EYS: variants seen among roughly 807,000 people sequenced by gnomAD.
EYS encodes EGF-like photoreceptor maintenance factor.
In EYS, 250 loss-of-function variants were observed where a neutral mutation model predicts 282.1. The ratio of observed to expected loss-of-function variants is 0.89; its 90% CI spans 0.80 to 0.98. EYS has a LOEUF of 0.98. Among genes scored for constraint, EYS ranks in the 50% least tolerant of loss-of-function variants. The pLI is 0.00. For missense variants in EYS, 4,016 were observed against 3,709.0 expected (o/e 1.08, Z -2.15); for synonymous variants, 1,355 against 1,282.9 (o/e 1.06, Z -1.20).
intron 12 of EYS, among the ~76,000 whole-genome samples, chr6:65,232,527 G>C (rs760436609): frequency 2.0e-5 from 3 of 152,004 alleles, no homozygotes; most frequent in Admixed American, 6.6e-5. Context: ...AAACGTTTGA[G>C]TAGTTTTAGA....
At chr6:65,687,098 C>T (rs1769048950) in intron 1 of EYS, among the ~76,000 whole-genome samples, 1 of 151,882 alleles carries the variant, frequency 6.6e-6, no homozygotes, top group African/African-American at 2.4e-5. Context: ...GATGCATTAG[C>T]CATATTACTG....
At chr6:63,830,628 T>C (rs1394965135) in intron 36 of EYS, among the ~76,000 whole-genome samples, 1 of 152,164 alleles carries the variant, frequency 6.6e-6, no homozygotes, top group Admixed American at 6.5e-5. Context: ...TGGAACCAAG[T>C]TGGAAAACAC....
chr6:65,326,704 G>A (rs1466583576), intron 11 of EYS, among the ~76,000 whole-genome samples: 2 of 151,422 alleles, frequency 1.3e-5, no homozygotes, highest in Admixed American at 6.6e-5. Flanking sequence ...GCAATTGAAA[G>A]CATTTAATAA....
At chr6:65,360,325 C>T (rs139000311) in intron 8 of EYS, among the ~76,000 whole-genome samples, 1 of 151,798 alleles carries the variant, frequency 6.6e-6, no homozygotes, top group Non-Finnish European at 1.5e-5. Flanking sequence ...TCAAAACCTT[C>T]TATGGAAAAT....
intron 12 of EYS, among the ~76,000 whole-genome samples, chr6:65,102,223 T>C (rs1186499392): frequency 6.6e-6 from 1 of 151,354 alleles, no homozygotes; most frequent in Non-Finnish European, 1.5e-5. Flanking sequence ...ATACCTTTAA[T>C]GACTTTGAGA....
At chr6:64,798,940 G>A (rs373943205) in intron 22 of EYS, among the ~76,000 whole-genome samples, 2 of 151,710 alleles carry the variant, frequency 1.3e-5, no homozygotes, top group South Asian at 4.1e-4. Context: ...TACTGCTTTA[G>A]CTGGACTCAC....
intron 18 of EYS, among the ~76,000 whole-genome samples, chr6:64,899,446 G>T (rs936607819): frequency 1.3e-5 from 2 of 152,092 alleles, no homozygotes; most frequent in African/African-American, 4.8e-5. Context: ...CAAATGACAG[G>T]ATTGTATATT....
chr6:64,505,054 C>T (rs934720228), intron 26 of EYS, among the ~76,000 whole-genome samples: 14 of 152,160 alleles, frequency 9.2e-5, no homozygotes, highest in African/African-American at 3.4e-4. Flanking sequence ...CAGATTCAAA[C>T]AAATAGCATA....
At chr6:64,172,530 AT>A (rs1764512562) in intron 31 of EYS, among the ~76,000 whole-genome samples, 1 of 152,214 alleles carries the variant, frequency 6.6e-6, no homozygotes, top group Admixed American at 6.5e-5. Flanking sequence ...CTGGAAAAAA[AT>A]AAAAACATAA....
chr6:64,376,272 A>T (rs1772559160), intron 29 of EYS, among the ~76,000 whole-genome samples: 1 of 152,196 alleles, frequency 6.6e-6, no homozygotes, highest in African/African-American at 2.4e-5. Context: ...AGGACAGGAC[A>T]ACAGGAGCTT....
At chr6:64,211,416 C>T (rs1438566648) in intron 31 of EYS, among the ~76,000 whole-genome samples, 9 of 151,982 alleles carry the variant, frequency 5.9e-5, no homozygotes, top group South Asian at 2.1e-4. Context: ...AATCATTTCT[C>T]ATACCATCAA....
At chr6:64,783,285 TATATACATATCCTATATAC>T (rs1284356070) in intron 22 of EYS, among the ~76,000 whole-genome samples, 3 of 151,764 alleles carry the variant, frequency 2.0e-5, no homozygotes, top group East Asian at 1.9e-4. Flanking sequence ...AACCTTATCC[TATATACATATCCTATATAC>T]ATATACATAT....
At chr6:64,781,454 G>C (rs1296011608) in intron 22 of EYS, among the ~76,000 whole-genome samples, 1 of 151,904 alleles carries the variant, frequency 6.6e-6, no homozygotes, top group African/African-American at 2.4e-5. Flanking sequence ...GCTCACGCCT[G>C]TAATCCCAGC....
chr6:64,881,502 T>A (rs921704887), intron 19 of EYS, among the ~76,000 whole-genome samples: 1 of 151,904 alleles, frequency 6.6e-6, no homozygotes, highest in African/African-American at 2.4e-5. Context: ...TTTTTTCATA[T>A]CTTTGGAAAT....
chr6:64,960,654 A>T (rs919093023), intron 14 of EYS, among the ~76,000 whole-genome samples: 3 of 152,206 alleles, frequency 2.0e-5, no homozygotes, highest in Admixed American at 2.0e-4. Flanking sequence ...CCTTCTTTTT[A>T]ACTTTTATAT....
At chr6:64,906,129 T>C (rs959712511) in intron 16 of EYS, among the ~76,000 whole-genome samples, 2 of 151,310 alleles carry the variant, frequency 1.3e-5, no homozygotes, top group Non-Finnish European at 3.0e-5. Flanking sequence ...AAAATATTTG[T>C]ATTCAAATAT....
chr6:63,843,655 G>T (rs1772023015), intron 36 of EYS, among the ~76,000 whole-genome samples: 1 of 152,074 alleles, frequency 6.6e-6, no homozygotes, highest in African/African-American at 2.4e-5. Context: ...ATACTGAATG[G>T]GCAAAAGCTG....
In EYS at chr6:64,591,571, T is replaced by C. The variant is rs1766411414; in HGVS notation, c.4296A>G (p.Pro1432=). ...TPTTSVIRSI[P]GADIELNRQS... is the part of the protein sequence containing the mutation. ...GCCTGTTTAGCTCAATATCAGCCCC[T>C]GGAATGCTTCTAATTACTGAAGTCG... Residue 1432 remains proline (P), a synonymous_variant, in exon 26 of 43, where the codon CCA becomes CCG. Transcript: ENST00000503581. 3.9e-6 allele frequency: 6 copies of C among 1,551,148 alleles called. No individual in the cohort carries two copies. Among genetic ancestry groups the C allele is most frequent in the Non-Finnish European group, 5.2e-6 (6 of 1,146,750 alleles).
At chr6:64,987,189 C>T (rs913400491) in intron 14 of EYS, among the ~76,000 whole-genome samples, 1 of 151,500 alleles carries the variant, frequency 6.6e-6, no homozygotes, top group Non-Finnish European at 1.5e-5. Flanking sequence ...AGTCCTATCA[C>T]CTGTTAGCAG....
Sources: allele counts gnomAD v4.1 joint callset (sites outside exome capture counted in the v4.1 genomes callset), GRCh38; gene constraint gnomAD v4.1.1; transcripts MANE v1.5; gene names NCBI Gene and HGNC (gene_info 2026-07-23, HGNC 2026-07-21).